Variants in ZNF678 observed in about 807,000 individuals in gnomAD.
ZNF678 encodes zinc finger protein 678.
Under a neutral mutation model 3.0 loss-of-function variants are expected in ZNF678, and 5 were observed. The ratio of observed to expected loss-of-function variants is 1.69; its 90% CI spans 0.88 to 3.56. The LOEUF (loss-of-function observed/expected upper bound fraction) is 3.56, where lower values mean the gene tolerates loss of function less well. Among genes scored for constraint, ZNF678 ranks in the 30% most tolerant of loss-of-function variants. The pLI is 0.00. For synonymous variants in ZNF678, 218 were observed against 199.6 expected (o/e 1.09, Z -0.78); for missense variants, 593 against 605.0 (o/e 0.98, Z 0.21).
In ZNF678 at chr1:227,636,785, C is replaced by G. The variant is rs115923586; in HGVS notation, c.-163-9759C>G. On this transcript the variant is annotated intron_variant, in intron 1 of 3. Transcript: ENST00000343776. ...CCCAGTGGGGGAGTCCTTGGACTCT[C>G]ACTGCAGTTGGCCTGCTGAGTATCA... Among the ~76,000 whole-genome samples the G allele has an allele frequency of 4.8e-3, 727 of 152,278 alleles. 7 individuals carry two copies. Among genetic ancestry groups the G allele is most frequent in the African/African-American group, 0.017 (696 of 41,556 alleles).
chr1:227,577,366 G>A (rs1342879568), intron 1 of ZNF678, among the ~76,000 whole-genome samples: 3 of 152,172 alleles, frequency 2.0e-5, no homozygotes, highest in Non-Finnish European at 4.4e-5. Context: ...CTGTGTGGGA[G>A]TCTAAATTTC....
At chr1:227,586,087 G>A (rs189573406) in intron 1 of ZNF678, among the ~76,000 whole-genome samples, 85 of 152,282 alleles carry the variant, frequency 5.6e-4, no homozygotes, top group African/African-American at 1.9e-3. Context: ...AACTCAGGAG[G>A]CTGAGATGGA....
chr1:227,613,265 C>T (rs1658067741), intron 1 of ZNF678, among the ~76,000 whole-genome samples: 1 of 152,186 alleles, frequency 6.6e-6, no homozygotes, highest in Non-Finnish European at 1.5e-5. Flanking sequence ...AAGCTGCCTA[C>T]CCTGACTTGG....
At chr1:227,625,669 G>T (rs1436443303) in intron 1 of ZNF678, among the ~76,000 whole-genome samples, 1 of 152,122 alleles carries the variant, frequency 6.6e-6, no homozygotes, top group Non-Finnish European at 1.5e-5. Context: ...TATTAAATAG[G>T]CTTACCGGGT....
In ZNF678 at chr1:227,670,559, C is replaced by A. The variant is rs1244549818; in HGVS notation, c.227-6620C>A. On this transcript the variant is annotated intron_variant, in intron 5 of 5. Transcript: ENST00000608949. Reference sequence around the variant, plus strand: ...GGCTTTTTGCCTCCCAGGAGCTCAGCTTTTGTCTGCCCAGAATTAAATTTA... The same window carrying A: ...GGCTTTTTGCCTCCCAGGAGCTCAGATTTTGTCTGCCCAGAATTAAATTTA... Among the ~76,000 whole-genome samples, 5 of 152,262 alleles carry A rather than the reference C, an allele frequency of 3.3e-5. No individual in the cohort carries two copies. The East Asian group carries it at 9.7e-4, about 29-fold the overall frequency.
chr1:227,570,749 A>G (rs1442713381), intron 1 of ZNF678, among the ~76,000 whole-genome samples: 6 of 152,062 alleles, frequency 3.9e-5, no homozygotes. Flanking sequence ...CACTGTCTCC[A>G]TACATTTCTG....
intron 1 of ZNF678, among the ~76,000 whole-genome samples, chr1:227,585,855 CAT>C (rs1657246997): frequency 6.6e-6 from 1 of 151,914 alleles, no homozygotes; most frequent in South Asian, 2.1e-4. Flanking sequence ...ACTAATGAAA[CAT>C]AGGTTTCAGT....
rs148869964 is a variant in ZNF678 at position 227,635,907 on chromosome 1, T to C, written c.-163-10637T>C. On this transcript the variant is annotated intron_variant, in intron 1 of 3. Transcript: ENST00000343776. ...GAATCTTACATTCCTGTCTATTTGG[T>C]TATAGAAAAGGGAAAACAGATGACT... Among the ~76,000 whole-genome samples, 11 of 152,122 alleles carry C rather than the reference T, an allele frequency of 7.2e-5. 1 individual carries two copies. In the East Asian group the frequency reaches 2.1e-3, roughly 29 times the overall value.
intron 1 of ZNF678, among the ~76,000 whole-genome samples, chr1:227,575,294 T>A (rs1033686992): frequency 2.6e-5 from 4 of 152,228 alleles, no homozygotes; most frequent in African/African-American, 9.6e-5. Flanking sequence ...TCATTGGTAG[T>A]TTAATAGAAA....
chr1:227,566,095 A>G (rs1028129239), intron 1 of ZNF678, among the ~76,000 whole-genome samples: 1 of 152,092 alleles, frequency 6.6e-6, no homozygotes, highest in South Asian at 2.1e-4. Context: ...TGAATTTCAG[A>G]ATTGTCTGGG....
At chr1:227,563,862 G>GA in intron 1 of ZNF678, 138 bp downstream of exon 1, 2 of 777,940 alleles carry the variant, frequency 2.6e-6, no homozygotes, top group South Asian at 2.9e-5. Flanking sequence ...GCCGCCGCGG[G>GA]ATTCTCCTCC....
intron 1 of ZNF678, among the ~76,000 whole-genome samples, chr1:227,624,255 T>C (rs984220343): frequency 6.6e-6 from 1 of 152,206 alleles, no homozygotes; most frequent in Non-Finnish European, 1.5e-5. Context: ...CAAATACATA[T>C]ACAGCTGGAG....
intron 1 of ZNF678, among the ~76,000 whole-genome samples, chr1:227,617,764 A>G (rs543771970): frequency 6.6e-6 from 1 of 152,310 alleles, no homozygotes; most frequent in South Asian, 2.1e-4. Context: ...AAAGGTACAT[A>G]AATAGATGTC....
At chr1:227,573,488 A>G (rs1656908521) in intron 1 of ZNF678, among the ~76,000 whole-genome samples, 1 of 152,234 alleles carries the variant, frequency 6.6e-6, no homozygotes, top group African/African-American at 2.4e-5. Flanking sequence ...TATGAATTTA[A>G]AAAATTAAAC....
chr1:227,648,009 A>G (rs947595280), intron 2 of ZNF678, among the ~76,000 whole-genome samples: 1 of 152,196 alleles, frequency 6.6e-6, no homozygotes, highest in African/African-American at 2.4e-5. Flanking sequence ...ACAGAAGCTC[A>G]TACTCAGTGA....
chr1:227,588,664 C>T (rs1272613594), intron 1 of ZNF678, among the ~76,000 whole-genome samples: 2 of 151,938 alleles, frequency 1.3e-5, no homozygotes, highest in African/African-American at 4.8e-5. Context: ...CCACCATGCC[C>T]AGCTATTTTT....
At chr1:227,605,122 T>C (rs1408736281) in intron 1 of ZNF678, among the ~76,000 whole-genome samples, 1 of 152,240 alleles carries the variant, frequency 6.6e-6, no homozygotes, top group Non-Finnish European at 1.5e-5. Flanking sequence ...CCCAAAGTGC[T>C]GGGATTACAG....
At chr1:227,626,324 G>A (rs1231895550) in intron 1 of ZNF678, among the ~76,000 whole-genome samples, 1 of 152,188 alleles carries the variant, frequency 6.6e-6, no homozygotes, top group Admixed American at 6.5e-5. Flanking sequence ...CGAATGTGAT[G>A]TATCCAAGAT....
chr1:227,653,654 A>G (rs957646667), intron 3 of ZNF678, among the ~76,000 whole-genome samples: 3 of 152,064 alleles, frequency 2.0e-5, no homozygotes, highest in African/African-American at 7.2e-5. Context: ...AGATTCTTAT[A>G]GCCTCTCAAA....
Sources: gnomAD v4.1 joint callset for allele counts (sites outside exome capture counted in the v4.1 genomes callset) on GRCh38, gnomAD v4.1.1 for gene constraint, MANE v1.5 for transcripts, NCBI Gene and HGNC (gene_info 2026-07-23, HGNC 2026-07-21) for gene names.